Variants in TRIO observed in about 807,000 individuals in gnomAD.
TRIO encodes trio Rho guanine nucleotide exchange factor.
Under a neutral mutation model 351.9 loss-of-function variants are expected in TRIO, and 58 were observed. The ratio of observed to expected loss-of-function variants is 0.16; its 90% CI spans 0.13 to 0.21. The LOEUF is 0.21. Among genes scored for constraint, TRIO ranks in the 10% least tolerant of loss-of-function variants. The pLI is 1.00. For missense variants in TRIO, 3,201 were observed against 4,027.8 expected (o/e 0.79, Z 5.56); for synonymous variants, 1,758 against 1,595.7 (o/e 1.10, Z -2.42).
chr5:14,282,303 A>C (rs1403426348), intron 3 of TRIO, among the ~76,000 whole-genome samples: 1 of 152,220 alleles, frequency 6.6e-6, no homozygotes, highest in Non-Finnish European at 1.5e-5. Context: ...CAAGTCTGTG[A>C]TAATGATGGA....
intron 1 of TRIO, among the ~76,000 whole-genome samples, chr5:14,199,948 C>T (rs754388209): frequency 1.3e-5 from 2 of 152,170 alleles, no homozygotes; most frequent in African/African-American, 4.8e-5. Context: ...ACAGCATTCT[C>T]TATGTGGAGT....
intron 2 of TRIO, among the ~76,000 whole-genome samples, chr5:14,271,323 C>G (rs1308693922): frequency 6.6e-6 from 1 of 152,144 alleles, no homozygotes; most frequent in Non-Finnish European, 1.5e-5. Flanking sequence ...GGCAAGGATG[C>G]CTGCTTCTCC....
chr5:14,305,921 G>A (rs1738326977), intron 8 of TRIO, among the ~76,000 whole-genome samples: 1 of 152,228 alleles, frequency 6.6e-6, no homozygotes, highest in Non-Finnish European at 1.5e-5. Context: ...TTGTGGTACA[G>A]TTGCCTACAG....
chr5:14,430,216 C>CA (rs139833933), intron 34 of TRIO, among the ~76,000 whole-genome samples: 61,684 of 118,570 alleles, frequency 0.52, 15,266 homozygotes, highest in East Asian at 0.82. Context: ...ACCCAAATAG[C>CA]AAAAAAAAAA....
chr5:14,211,961 A>C (rs1440725249), intron 1 of TRIO, among the ~76,000 whole-genome samples: 1 of 48,922 alleles, frequency 2.0e-5, no homozygotes, highest in African/African-American at 4.9e-5. Context: ...CAAAAAAAAA[A>C]ACCAAAAAAA....
chr5:14,436,449 C>T (rs1751594305), intron 34 of TRIO, among the ~76,000 whole-genome samples: 1 of 152,148 alleles, frequency 6.6e-6, no homozygotes, highest in African/African-American at 2.4e-5. Context: ...CATTCCACCC[C>T]TGGTCCCTCC....
In TRIO at chr5:14,312,852, AATT is replaced by A. The variant is rs754814821; in HGVS notation, c.1501-3655_1501-3653del. On this transcript the variant is annotated intron_variant, in intron 8 of 56. Transcript: ENST00000344204. The stretch of plus-strand genomic sequence containing the variant: ...TCCTGGTTATTCTGTACCATTTAAA[AATT>A]ATTATCTCTATACAACAGAACAGCA... 2.6e-5 allele frequency among the ~76,000 whole-genome samples: 4 copies of A among 152,320 alleles called. No individual in the cohort carries two copies. The East Asian group carries it at 7.7e-4, about 29-fold the overall frequency.
chr5:14,165,313 C>T (rs1455155076), intron 1 of TRIO, among the ~76,000 whole-genome samples: 1 of 152,118 alleles, frequency 6.6e-6, no homozygotes, highest in Admixed American at 6.5e-5. Flanking sequence ...CCTGTATTTA[C>T]GTCCATGCAT....
intron 1 of TRIO, among the ~76,000 whole-genome samples, chr5:14,175,379 T>A (rs1789345499): frequency 6.6e-6 from 1 of 152,238 alleles, no homozygotes; most frequent in South Asian, 2.1e-4. Flanking sequence ...ACTTAGAACT[T>A]CTTTGTCCCT....
intron 19 of TRIO, among the ~76,000 whole-genome samples, chr5:14,376,828 G>T (rs1315613534): frequency 6.6e-6 from 1 of 152,154 alleles, no homozygotes; most frequent in Non-Finnish European, 1.5e-5. Context: ...ATCATACTCA[G>T]TTTTTCTCCC....
chr5:14,451,366 G>A (rs1337868112), intron 34 of TRIO, among the ~76,000 whole-genome samples: 1 of 151,962 alleles, frequency 6.6e-6, no homozygotes, highest in Non-Finnish European at 1.5e-5. Context: ...CAAAAGCATG[G>A]AATTCAAATC....
In TRIO at chr5:14,492,396, G is replaced by T. The variant is rs1756553846; in HGVS notation, c.7633-171G>T. 6 of 787,378 alleles carry T rather than the reference G, an allele frequency of 7.6e-6. No homozygotes were observed. The South Asian group carries it at 1.1e-4, about 15-fold the overall frequency. The allele number at this position is 787,378 out of a possible 1,614,324, so 48.8% of individuals were successfully genotyped here. On this transcript the variant is annotated intron_variant, in intron 48 of 56. Transcript: ENST00000344204. ...TACATTTTCAGTTATTGAAATAGAT[G>T]CACACAGTTAGCCAGAGGGTAAAGG...
chr5:14,222,137 C>G (rs371240925), intron 1 of TRIO, among the ~76,000 whole-genome samples: 1 of 112,864 alleles, frequency 8.9e-6, no homozygotes, highest in African/African-American at 2.9e-5. Flanking sequence ...AGCACTTTTT[C>G]TTTTCTTTTT....
chr5:14,496,645 G>A (rs937230593), intron 49 of TRIO, among the ~76,000 whole-genome samples: 5 of 152,162 alleles, frequency 3.3e-5, no homozygotes, highest in African/African-American at 1.2e-4. Context: ...CATAAAATCA[G>A]TTATCACAGG....
intron 2 of TRIO, 51 bp downstream of exon 2, chr5:14,270,950 C>T: frequency 7.5e-7 from 1 of 1,341,460 alleles, no homozygotes; most frequent in Non-Finnish European, 1.1e-6. Context: ...GACACAATTT[C>T]AGAGTCTGAC....
intron 9 of TRIO, among the ~76,000 whole-genome samples, chr5:14,318,007 A>T (rs1331103729): frequency 6.6e-6 from 1 of 152,124 alleles, no homozygotes; most frequent in Non-Finnish European, 1.5e-5. Flanking sequence ...CATGCCTGTA[A>T]TCCCAGCTAT....
At chr5:14,391,303 A>G (rs568877497) in intron 27 of TRIO, among the ~76,000 whole-genome samples, 6 of 152,294 alleles carry the variant, frequency 3.9e-5, no homozygotes, top group Admixed American at 6.5e-5. Flanking sequence ...TTTATATTCA[A>G]TACATTTTTT....
chr5:14,373,279 T>C (rs2076287828), intron 18 of TRIO, among the ~76,000 whole-genome samples: 1 of 152,214 alleles, frequency 6.6e-6, no homozygotes, highest in South Asian at 2.1e-4. Flanking sequence ...CACGAATCAG[T>C]AGAGACTCAT....
chr5:14,433,064 G>A (rs1403780238), intron 34 of TRIO, among the ~76,000 whole-genome samples: 2 of 152,170 alleles, frequency 1.3e-5, no homozygotes, highest in African/African-American at 2.4e-5. Flanking sequence ...ACCATATCAC[G>A]TTGCAGTTCT....
Sources: allele counts gnomAD v4.1 joint callset (sites outside exome capture counted in the v4.1 genomes callset), GRCh38; gene constraint gnomAD v4.1.1; transcripts MANE v1.5; gene names NCBI Gene and HGNC (gene_info 2026-07-23, HGNC 2026-07-21).